Variants in DNAH5 observed in about 807,000 individuals in gnomAD.
DNAH5 encodes axonemal beta dynein heavy chain 5.
DNAH5 carries 372 observed loss-of-function variants against 518.2 expected under a neutral mutation model. The observed-to-expected ratio is 0.72, with a 90% confidence interval of 0.66 to 0.78. The LOEUF (loss-of-function observed/expected upper bound fraction) is 0.78, where lower values mean the gene tolerates loss of function less well. DNAH5 is among the 30% of genes least tolerant of loss of function. DNAH5 has a pLI of 0.00. For synonymous variants in DNAH5, 2,039 were observed against 2,025.9 expected (o/e 1.01, Z -0.17); for missense variants, 5,523 against 5,687.0 (o/e 0.97, Z 0.93).
intron 16 of DNAH5, among the ~76,000 whole-genome samples, chr5:13,892,506 T>C (rs1388123704): frequency 1.3e-5 from 2 of 152,236 alleles, no homozygotes; most frequent in African/African-American, 2.4e-5. Flanking sequence ...AGATTTTACA[T>C]AGTTTTCTCT....
At chr5:13,822,659 A>C (rs1347628845) in intron 40 of DNAH5, among the ~76,000 whole-genome samples, 1 of 152,254 alleles carries the variant, frequency 6.6e-6, no homozygotes, top group Non-Finnish European at 1.5e-5. Flanking sequence ...TCTTCATAGA[A>C]AAAGAAATTG....
At position 13,726,128 on chromosome 5, in the gene DNAH5, A is replaced by T. The variant is rs76547330; in HGVS notation, c.12033+1379T>A. On this transcript the variant is annotated intron_variant, in intron 70 of 78. Transcript: ENST00000265104. ...GGGGAATGGGATTGAATGTATCTACATTGTAGACCTACTAATATGCTTCCC... is the reference window on the plus strand; with the variant it reads ...GGGGAATGGGATTGAATGTATCTACTTTGTAGACCTACTAATATGCTTCCC... Among the ~76,000 whole-genome samples the T allele has an allele frequency of 8.7e-3, 1,326 of 152,352 alleles. 12 individuals are homozygous for T. Among genetic ancestry groups the T allele is most frequent in the African/African-American group, 0.03 (1,256 of 41,576 alleles).
At chr5:13,847,045 G>A (rs1766098383) in intron 31 of DNAH5, among the ~76,000 whole-genome samples, 1 of 152,160 alleles carries the variant, frequency 6.6e-6, no homozygotes, top group South Asian at 2.1e-4. Flanking sequence ...CGTTAGACCA[G>A]TATGGAAGGA....
chr5:13,786,284 G>A lies in DNAH5; in HGVS notation c.8715C>T (p.His2905=). The A allele has an allele frequency of 3.7e-6, 6 of 1,613,820 alleles. No homozygotes were observed. Among genetic ancestry groups the A allele is most frequent in the Non-Finnish European group, 5.1e-6 (6 of 1,179,810 alleles). Residue 2905 remains histidine (H), a synonymous_variant, in exon 52 of 79, where the codon CAC becomes CAT. Transcript: ENST00000265104. ...KIYEPIESFS[H]LKERLNMFLQ... ...GGAACATATTCAGACGCTCTTTTAG[G>A]TGACTAAAAGATTCAATTGGCTCAT... is the stretch of plus-strand genomic sequence containing the variant.
chr5:13,842,486 A>G lies in DNAH5; in HGVS notation c.5272-582T>C, dbSNP rs1022853752. ...AAGAAAGAAAGAAAGAAAGAAAGAG[A>G]AAGAAAAGAAAGAAAGAAAGAAAAA... On this transcript the variant is annotated intron_variant, in intron 32 of 78. Coordinates refer to ENST00000265104, the MANE Select transcript of DNAH5 (RefSeq NM_001369.3). 1.7e-3 allele frequency among the ~76,000 whole-genome samples: 204 copies of G among 118,746 alleles called. 22 individuals carry two copies. The highest frequency in any genetic ancestry group is 6.9e-3 in the African/African-American group (198 of 28,718). The allele number at this position is 118,746 out of a possible 152,430, so 77.9% of individuals were successfully genotyped here.
In DNAH5 at chr5:13,716,680, C is replaced by T. The variant is rs1744320103; in HGVS notation, c.12716G>A (p.Trp4239Ter). The T allele has an allele frequency of 6.2e-7, 1 of 1,612,220 alleles. No individual in the cohort carries two copies. Among genetic ancestry groups the T allele is most frequent in the Non-Finnish European group, 8.5e-7 (1 of 1,178,486 alleles). Residue 4239 changes from tryptophan to a stop codon, truncating the protein, a stop_gained, in exon 74 of 79, where the codon TGG becomes TAG. Coordinates refer to ENST00000265104, the MANE Select transcript of DNAH5 (RefSeq NM_001369.3). LOFTEE classifies it high-confidence loss of function. ...TCCTATCATGTAGCGGATGGTGGTC[C>T]AGGAGACACCCTGGGAAATTTTATA... ...DDMDVKKGVS[W>*]TTIRYMIGEI...
At chr5:13,898,233 C>T (rs1334994613) in intron 15 of DNAH5, 11 of 224,222 alleles carry the variant, frequency 4.9e-5, no homozygotes, top group South Asian at 1.8e-4. Context: ...TATAATGATA[C>T]GGTTATTGTA....
At chr5:13,868,672 T>C (rs7728492) in intron 24 of DNAH5, among the ~76,000 whole-genome samples, 61,238 of 151,712 alleles carry the variant, frequency 0.4, 12,538 homozygotes, top group South Asian at 0.46. Flanking sequence ...ACATTGTTGA[T>C]CTGAGCAAGG....
At chr5:13,866,561 AT>A (rs1295600227) in intron 25 of DNAH5, among the ~76,000 whole-genome samples, 1 of 152,170 alleles carries the variant, frequency 6.6e-6, no homozygotes, top group Non-Finnish European at 1.5e-5. Flanking sequence ...AGAGGAGTCA[AT>A]GCCTGTTCTA....
intron 19 of DNAH5, 58 bp downstream of exon 19, chr5:13,884,931 C>A (rs1772185843): frequency 2.5e-6 from 4 of 1,610,502 alleles, no homozygotes; most frequent in Admixed American, 1.7e-5. Flanking sequence ...CACACACACA[C>A]ACATACCCCA....
In DNAH5 at chr5:13,814,730, TG is replaced by T. The variant is rs752839585; in HGVS notation, c.7104del (p.Met2369TrpfsTer30). ...AAAATGATCTTGCAGTTTGGAGCCA[TG>T]GGAATCCGATCACCATTGGCAAGGG... ...TLTLANGDRI[P>X]MAPNCKIIFE... On this transcript the variant is annotated frameshift_variant, in exon 43 of 79. Transcript: ENST00000265104. LOFTEE classifies it high-confidence loss of function. The T allele has an allele frequency of 6.2e-7, 1 of 1,614,124 alleles. No individual in the cohort carries two copies. The highest frequency in any genetic ancestry group is 1.1e-5 in the South Asian group (1 of 91,074).
At chr5:13,982,684 A>C in intron 1 of DNAH5, among the ~76,000 whole-genome samples, 1 of 139,824 alleles carries the variant, frequency 7.2e-6, no homozygotes, top group African/African-American at 2.7e-5. Flanking sequence ...AGACATATGC[A>C]CTATTGCATG....
At chr5:13,891,161 A>T in intron 16 of DNAH5, 40 bp from the exon 17 acceptor site, 3 of 1,610,482 alleles carry the variant, frequency 1.9e-6, no homozygotes, top group Non-Finnish European at 2.5e-6. Flanking sequence ...AGATTAGGTA[A>T]AGCATTTTGT....
At chr5:13,914,780 A>C in intron 9 of DNAH5, 138 bp from the exon 10 acceptor site, 1 of 842,898 alleles carries the variant, frequency 1.2e-6, no homozygotes, top group Non-Finnish European at 1.9e-6. Flanking sequence ...TTTTTCCATC[A>C]CAGTTATAAT....
At chr5:13,983,252 G>A (rs993921028) in intron 1 of DNAH5, among the ~76,000 whole-genome samples, 2 of 152,148 alleles carry the variant, frequency 1.3e-5, no homozygotes, top group African/African-American at 4.8e-5. Flanking sequence ...CTTCCACTGA[G>A]CTTGTGGGTG....
chr5:14,008,873 A>G (rs1258461704), intron 1 of DNAH5, among the ~76,000 whole-genome samples: 1 of 152,250 alleles, frequency 6.6e-6, no homozygotes, highest in East Asian at 1.9e-4. Flanking sequence ...AGAGGTAAAC[A>G]GAAAAAGAAA....
chr5:13,794,710 A>C (rs946089047), intron 47 of DNAH5, among the ~76,000 whole-genome samples: 1 of 152,230 alleles, frequency 6.6e-6, no homozygotes, highest in Non-Finnish European at 1.5e-5. Context: ...TGATGCCTGT[A>C]ATCCCAGCAC....
chr5:13,844,038 GC>G (rs5866072), intron 32 of DNAH5, among the ~76,000 whole-genome samples: 60,919 of 151,962 alleles, frequency 0.4, 12,597 homozygotes, highest in East Asian at 0.61. Context: ...TTAACAAGTG[GC>G]TTTTAATTGC....
chr5:14,008,199 GAAAAA>G (rs1784864292), intron 1 of DNAH5, among the ~76,000 whole-genome samples: 1 of 145,236 alleles, frequency 6.9e-6, no homozygotes, highest in Non-Finnish European at 1.5e-5. Context: ...AAGAAAGAAA[GAAAAA>G]AGAAAAGAAA....
Sources: gnomAD v4.1 joint callset for allele counts (sites outside exome capture counted in the v4.1 genomes callset) on GRCh38, gnomAD v4.1.1 for gene constraint, MANE v1.5 for transcripts, NCBI Gene and HGNC (gene_info 2026-07-23, HGNC 2026-07-21) for gene names.